Variants in ARHGEF28 observed in about 807,000 individuals in gnomAD.
ARHGEF28 encodes the protein 190 kDa guanine nucleotide exchange factor.
Under a neutral mutation model 206.6 loss-of-function variants are expected in ARHGEF28, and 152 were observed. The observed-to-expected ratio is 0.74, with a 90% CI of 0.64 to 0.84. The LOEUF is 0.84. ARHGEF28 is among the 40% of genes least tolerant of loss of function. The probability of loss-of-function intolerance (pLI) is 0.00; values close to 1 mark genes in which losing one functional copy is unlikely to be tolerated. For missense variants in ARHGEF28, 2,028 were observed against 2,073.2 expected (o/e 0.98, Z 0.42); for synonymous variants, 763 against 776.4 (o/e 0.98, Z 0.29).
chr5:73,783,588 T>C (rs1174134953), intron 7 of ARHGEF28, among the ~76,000 whole-genome samples: 1 of 152,072 alleles, frequency 6.6e-6, no homozygotes. Context: ...ATGGGGCTGC[T>C]GAAAGCAACG....
intron 18 of ARHGEF28, among the ~76,000 whole-genome samples, chr5:73,866,351 T>C (rs1759705337): frequency 6.6e-6 from 1 of 152,240 alleles, no homozygotes; most frequent in Non-Finnish European, 1.5e-5. Context: ...AGAGAAATAC[T>C]ACATGAAATG....
At chr5:73,655,480 T>G (rs116372777) in intron 1 of ARHGEF28, among the ~76,000 whole-genome samples, 1,533 of 152,356 alleles carry the variant, frequency 0.01, 26 homozygotes, top group African/African-American at 0.034. Context: ...CCTGGTATCT[T>G]AGTCTAATTT....
chr5:73,904,189 G>T, intron 31 of ARHGEF28, 33 bp from the exon 32 acceptor site: 1 of 1,608,750 alleles, frequency 6.2e-7, no homozygotes. Flanking sequence ...AAGTAGAATG[G>T]TTATTCATTT....
At chr5:73,860,814 G>C (rs946198813) in intron 16 of ARHGEF28, among the ~76,000 whole-genome samples, 52 of 152,090 alleles carry the variant, frequency 3.4e-4, no homozygotes, top group African/African-American at 1.2e-3. Context: ...TGGGCATTTG[G>C]TTCCCTCATC....
chr5:73,764,719 T>C (rs957954856), intron 4 of ARHGEF28, among the ~76,000 whole-genome samples: 1 of 152,216 alleles, frequency 6.6e-6, no homozygotes, highest in Non-Finnish European at 1.5e-5. Flanking sequence ...ATGTTGGTCT[T>C]GCGCTCTGTG....
At chr5:73,720,442 A>C (rs1405937841) in intron 2 of ARHGEF28, among the ~76,000 whole-genome samples, 2 of 152,134 alleles carry the variant, frequency 1.3e-5, no homozygotes, top group African/African-American at 4.8e-5. Context: ...AGGCAGAGAG[A>C]GGTCAGGAGA....
chr5:73,664,297 A>G (rs1745806606), intron 1 of ARHGEF28, among the ~76,000 whole-genome samples: 2 of 152,152 alleles, frequency 1.3e-5, no homozygotes, highest in African/African-American at 2.4e-5. Context: ...TTGTCCATCT[A>G]TTTATTGAAA....
At chr5:73,737,473 T>TTTTCTTTTCTTTTCC (rs1751035412) in intron 2 of ARHGEF28, among the ~76,000 whole-genome samples, 3 of 98,916 alleles carry the variant, frequency 3.0e-5, no homozygotes, top group Non-Finnish European at 5.6e-5. Context: ...TTTTCTTTTC[T>TTTTCTTTTCTTTTCC]TTTCTTTTCT....
intron 2 of ARHGEF28, among the ~76,000 whole-genome samples, chr5:73,713,012 A>G (rs1205154558): frequency 2.0e-5 from 3 of 152,146 alleles, no homozygotes; most frequent in Non-Finnish European, 4.4e-5. Context: ...ATGTAATTAT[A>G]TTTTCTTTCC....
chr5:73,791,550 G>A (rs1225915393), intron 7 of ARHGEF28, among the ~76,000 whole-genome samples: 1 of 135,130 alleles, frequency 7.4e-6, no homozygotes, highest in Non-Finnish European at 1.6e-5. Flanking sequence ...AGAATACTGA[G>A]CATCCTGTGT....
chr5:73,849,175 C>T, intron 13 of ARHGEF28, 88 bp downstream of exon 13: 1 of 950,696 alleles, frequency 1.1e-6, no homozygotes, highest in Non-Finnish European at 1.5e-6. Flanking sequence ...TATTCAAGAA[C>T]AGCAGACAAG....
intron 29 of ARHGEF28, 140 bp from the exon 30 acceptor site, chr5:73,897,822 T>TA: frequency 4.1e-6 from 4 of 976,098 alleles, no homozygotes; most frequent in Non-Finnish European, 5.8e-6. Flanking sequence ...TGACAACCTT[T>TA]AAAAATGTAA....
rs1010541100 is a variant in ARHGEF28, at chr5:73,940,941, A to G, written c.5046A>G (p.Leu1682=). 6.5e-7 allele frequency: 1 copy of G among 1,534,716 alleles called. No individual in the cohort carries two copies. The highest frequency in any genetic ancestry group is 8.7e-7 in the Non-Finnish European group (1 of 1,146,674). The change falls in exon 36 of 36, where the codon CTA becomes CTG. Residue 1682 remains leucine (L), a synonymous_variant. Coordinates refer to ENST00000513042, the MANE Select transcript of ARHGEF28 (RefSeq NM_001177693.2). ...QAFITEAKLN[L]PTRTMTRQDG... ...TTATAACAGAAGCAAAGCTAAATCT[A>G]CCGACAAGGACAATGACCAGACAAG...
intron 22 of ARHGEF28, among the ~76,000 whole-genome samples, chr5:73,881,299 A>G (rs1760923041): frequency 6.6e-6 from 1 of 152,000 alleles, no homozygotes; most frequent in Non-Finnish European, 1.5e-5. Context: ...TTTCATATAT[A>G]TTCTAGAATA....
intron 1 of ARHGEF28, among the ~76,000 whole-genome samples, chr5:73,667,938 A>G (rs1454333256): frequency 6.6e-6 from 1 of 152,198 alleles, no homozygotes; most frequent in African/African-American, 2.4e-5. Context: ...GATGACATTT[A>G]CTCCAGTTTT....
At chr5:73,912,766 A>G (rs910875376) in intron 35 of ARHGEF28, among the ~76,000 whole-genome samples, 1 of 152,216 alleles carries the variant, frequency 6.6e-6, no homozygotes, top group Non-Finnish European at 1.5e-5. Flanking sequence ...TCTTTAATAT[A>G]TTATCTTACA....
intron 35 of ARHGEF28, among the ~76,000 whole-genome samples, chr5:73,918,346 A>G (rs556636742): frequency 1.6e-4 from 24 of 152,336 alleles, no homozygotes; most frequent in Non-Finnish European, 3.2e-4. Flanking sequence ...AGGTGGCTGT[A>G]GTTTGCCTAC....
At chr5:73,732,840 C>G (rs1750697725) in intron 2 of ARHGEF28, among the ~76,000 whole-genome samples, 1 of 152,078 alleles carries the variant, frequency 6.6e-6, no homozygotes, top group Admixed American at 6.6e-5. Context: ...CGGAAACACA[C>G]AAACAGTAGG....
intron 2 of ARHGEF28, among the ~76,000 whole-genome samples, chr5:73,686,526 T>C (rs1747484435): frequency 6.6e-6 from 1 of 151,432 alleles, no homozygotes. Flanking sequence ...TTTTCTTTTT[T>C]TTTTTTTTTC....
Sources: allele counts gnomAD v4.1 joint callset (sites outside exome capture counted in the v4.1 genomes callset), GRCh38; gene constraint gnomAD v4.1.1; transcripts MANE v1.5; gene names NCBI Gene and HGNC (gene_info 2026-07-23, HGNC 2026-07-21).